ULK4: variants seen among roughly 807,000 people sequenced by gnomAD.
The protein encoded by ULK4 is inactive serine/threonine-protein kinase ULK4.
In ULK4, 133 loss-of-function variants were observed where a neutral mutation model predicts 160.6. The ratio of observed to expected loss-of-function variants is 0.83; its 90% CI spans 0.72 to 0.96. ULK4 has a LOEUF of 0.96. ULK4 is among the 40% of genes least tolerant of loss of function. The pLI, the probability that ULK4 is intolerant of heterozygous loss-of-function variation, is 0.00. For synonymous variants in ULK4, 534 were observed against 539.8 expected (o/e 0.99, Z 0.15); for missense variants, 1,580 against 1,499.5 (o/e 1.05, Z -0.89).
At chr3:41,654,784 A>C (rs2034869312) in intron 30 of ULK4, among the ~76,000 whole-genome samples, 1 of 151,940 alleles carries the variant, frequency 6.6e-6, no homozygotes, top group Non-Finnish European at 1.5e-5. Flanking sequence ...TTACAAAAAG[A>C]AGAAAGGGCA....
In ULK4 at chr3:41,959,520, T is replaced by C. The variant is rs540154604; in HGVS notation, c.-49+2496A>G. On this transcript the variant is annotated intron_variant, in intron 1 of 36. Transcript: ENST00000301831. ...AGCCTGGGTGACAAGAGACTCCATATCAAAAAAAATAATAATAATTAATTA... is the reference window on the plus strand; with the variant it reads ...AGCCTGGGTGACAAGAGACTCCATACCAAAAAAAATAATAATAATTAATTA... 1.7e-4 allele frequency among the ~76,000 whole-genome samples: 25 copies of C among 150,922 alleles called. No homozygotes were observed. The East Asian group carries it at 4.6e-3, about 28-fold the overall frequency.
intron 32 of ULK4, among the ~76,000 whole-genome samples, chr3:41,481,196 A>C (rs1490296749): frequency 6.6e-6 from 1 of 152,302 alleles, no homozygotes; most frequent in East Asian, 1.9e-4. Context: ...TAACCCCCAC[A>C]TTGTTCAGGG....
chr3:41,797,441 CAG>C (rs1218415465), intron 20 of ULK4, among the ~76,000 whole-genome samples: 2 of 152,152 alleles, frequency 1.3e-5, no homozygotes, highest in Non-Finnish European at 2.9e-5. Flanking sequence ...TGAGGAAACA[CAG>C]ACAGACCCAG....
chr3:41,785,114 G>C (rs1024066611), intron 21 of ULK4, among the ~76,000 whole-genome samples: 1 of 152,132 alleles, frequency 6.6e-6, no homozygotes, highest in Admixed American at 6.6e-5. Context: ...TAATCTATTA[G>C]AGGTGAACAC....
At chr3:41,783,510 T>C (rs1158383756) in intron 21 of ULK4, among the ~76,000 whole-genome samples, 1 of 149,694 alleles carries the variant, frequency 6.7e-6, no homozygotes, top group East Asian at 2.0e-4. Context: ...CGCTCCAGCC[T>C]AGGCAACAGA....
intron 34 of ULK4, among the ~76,000 whole-genome samples, chr3:41,451,643 C>T (rs2125867418): frequency 6.6e-6 from 1 of 151,942 alleles, no homozygotes; most frequent in East Asian, 1.9e-4. Flanking sequence ...CAACCTCTGG[C>T]CAGAATCGTA....
intron 32 of ULK4, among the ~76,000 whole-genome samples, chr3:41,552,041 T>C (rs2087088069): frequency 6.6e-6 from 1 of 151,858 alleles, no homozygotes; most frequent in Non-Finnish European, 1.5e-5. Context: ...GCAGAAAAGG[T>C]ATTAACACGG....
chr3:41,495,615 A>C (rs13080383), intron 32 of ULK4, among the ~76,000 whole-genome samples: 72,549 of 149,246 alleles, frequency 0.49, 17,697 homozygotes, highest in Middle Eastern at 0.55. Context: ...GCACAGCAAA[A>C]GAAACTACCA....
chr3:41,681,814 A>G lies in ULK4; in HGVS notation c.2782-10T>C. The G allele has an allele frequency of 6.2e-7, 1 of 1,613,848 alleles. No homozygotes were observed. The highest frequency in any genetic ancestry group is 1.3e-5 in the African/African-American group (1 of 75,040). On this transcript the variant is annotated splice_polypyrimidine_tract_variant and intron_variant, in intron 27 of 36. Transcript: ENST00000301831. ...GTATATAGTCAACAACCTAAAAGAA[A>G]GCATGTAAAAGACTCAGAATCTCTA...
At chr3:41,913,143 T>G (rs1392869488) in intron 8 of ULK4, 2 of 327,028 alleles carry the variant, frequency 6.1e-6, no homozygotes, top group African/African-American at 4.3e-5. Flanking sequence ...GCATTAGAAG[T>G]TTCAGGGTTC....
At chr3:41,562,147 C>G (rs145619558) in intron 32 of ULK4, among the ~76,000 whole-genome samples, 3 of 152,354 alleles carry the variant, frequency 2.0e-5, no homozygotes, top group Non-Finnish European at 4.4e-5. Context: ...GCAGCTTGTT[C>G]TGTTTCCATG....
chr3:41,286,815 C>T (rs991874313), intron 35 of ULK4, among the ~76,000 whole-genome samples: 2 of 152,194 alleles, frequency 1.3e-5, no homozygotes, highest in South Asian at 2.1e-4. Context: ...CTGCCTCTTG[C>T]TGTCAAAGTC....
chr3:41,886,546 T>C (rs79115601), intron 16 of ULK4, among the ~76,000 whole-genome samples: 1,930 of 151,692 alleles, frequency 0.013, 33 homozygotes, highest in African/African-American at 0.043. Flanking sequence ...CTAAAAACCA[T>C]ATGACGTACA....
At chr3:41,793,794 G>A (rs976576093) in intron 20 of ULK4, among the ~76,000 whole-genome samples, 5 of 152,092 alleles carry the variant, frequency 3.3e-5, no homozygotes, top group Admixed American at 3.3e-4. Context: ...ATAAGTCTAA[G>A]AATCACTTTT....
intron 17 of ULK4, among the ~76,000 whole-genome samples, chr3:41,843,749 G>C (rs1357119926): frequency 6.6e-6 from 1 of 152,096 alleles, no homozygotes; most frequent in East Asian, 1.9e-4. Context: ...AAGGGGACCC[G>C]AGTGGGTTGC....
chr3:41,517,428 T>G (rs979314306), intron 32 of ULK4, among the ~76,000 whole-genome samples: 8 of 152,178 alleles, frequency 5.3e-5, no homozygotes, highest in Admixed American at 2.6e-4. Context: ...AGGGCCCTTC[T>G]GTTCCCTTCT....
chr3:41,423,955 C>T (rs949448355), intron 34 of ULK4, among the ~76,000 whole-genome samples: 3 of 152,184 alleles, frequency 2.0e-5, no homozygotes, highest in Admixed American at 6.5e-5. Flanking sequence ...AGTGGCCACT[C>T]GGCTGGAGAC....
chr3:41,782,641 ACAT>A (rs1246755667), intron 21 of ULK4, among the ~76,000 whole-genome samples: 11 of 152,206 alleles, frequency 7.2e-5, no homozygotes, highest in African/African-American at 2.7e-4. Context: ...TAATTTTATC[ACAT>A]TTTTTACTGG....
At chr3:41,902,540 C>T (rs1357885749) in intron 12 of ULK4, among the ~76,000 whole-genome samples, 2 of 144,674 alleles carry the variant, frequency 1.4e-5, no homozygotes, top group South Asian at 2.2e-4. Context: ...ATTGCGCCAT[C>T]GCACACCAGC....
Sources: allele counts gnomAD v4.1 joint callset (sites outside exome capture counted in the v4.1 genomes callset), GRCh38; gene constraint gnomAD v4.1.1; transcripts MANE v1.5; gene names NCBI Gene and HGNC (gene_info 2026-07-23, HGNC 2026-07-21).